The following ARL15 variants were observed in gnomAD, a reference collection of about 807,000 sequenced individuals.
ARL15 encodes the protein ADP-ribosylation factor-like protein 15.
Under a neutral mutation model 25.2 loss-of-function variants are expected in ARL15, and 19 were observed. That is an observed-to-expected ratio of 0.75 (90% confidence interval 0.53 to 1.10). The LOEUF is 1.10. ARL15 is among the 50% of genes least tolerant of loss of function. ARL15 has a pLI of 0.00. For missense variants in ARL15, 220 were observed against 246.0 expected, an observed-to-expected ratio of 0.89 and a Z score of 0.71; for synonymous variants, 94 against 86.8, an observed-to-expected ratio of 1.08 and a Z score of -0.46.
intron 4 of ARL15, among the ~76,000 whole-genome samples, chr5:53,908,253 A>C (rs534280492): frequency 6.6e-6 from 1 of 152,330 alleles, no homozygotes; most frequent in East Asian, 1.9e-4. Flanking sequence ...TAGGAAAAAA[A>C]TATAGTATCT....
chr5:53,928,117 T>A (rs1320480541), intron 4 of ARL15, among the ~76,000 whole-genome samples: 3 of 152,156 alleles, frequency 2.0e-5, no homozygotes, highest in African/African-American at 7.2e-5. Flanking sequence ...GTAACTAACG[T>A]TACTGGAGTC....
chr5:54,261,553 C>CAA (rs529725614), intron 1 of ARL15, among the ~76,000 whole-genome samples: 7,567 of 137,944 alleles, frequency 0.055, 266 homozygotes, highest in African/African-American at 0.11. Context: ...ACTAAATATG[C>CAA]AAAAAAAAAA....
At chr5:53,907,280 C>T (rs1290308713) in intron 4 of ARL15, among the ~76,000 whole-genome samples, 3 of 151,266 alleles carry the variant, frequency 2.0e-5, no homozygotes, top group African/African-American at 7.3e-5. Context: ...TTAGACATAC[C>T]TTGTGGTGAT....
intron 3 of ARL15, among the ~76,000 whole-genome samples, chr5:54,142,218 A>C (rs1265243368): frequency 6.6e-6 from 1 of 152,176 alleles, no homozygotes; most frequent in Non-Finnish European, 1.5e-5. Flanking sequence ...CTGATTCCAG[A>C]TCCTATCTTC....
At chr5:54,010,553 GAATA>G (rs1005880205) in intron 4 of ARL15, among the ~76,000 whole-genome samples, 1 of 152,064 alleles carries the variant, frequency 6.6e-6, no homozygotes, top group African/African-American at 2.4e-5. Context: ...ACTTGGCTCT[GAATA>G]ACCGCCAGCT....
rs887452605 is a variant in ARL15, at chr5:54,136,449, C to A, written c.253+18131G>T. Among the ~76,000 whole-genome samples the A allele has an allele frequency of 2.0e-5, 3 of 152,048 alleles. No homozygotes were observed. In the East Asian group the frequency reaches 5.8e-4, roughly 29 times the overall value. On this transcript the variant is annotated intron_variant, in intron 3 of 4. Transcript: ENST00000504924. ...TGTAAAATATCATCTGTTTTTGTGA[C>A]AAACAAGTCTGTATCATTAATCATA...
At chr5:54,258,789 A>G (rs1391052025) in intron 1 of ARL15, among the ~76,000 whole-genome samples, 1 of 152,212 alleles carries the variant, frequency 6.6e-6, no homozygotes, top group African/African-American at 2.4e-5. Context: ...GCCAAGAAAC[A>G]TGAAGATCAC....
At chr5:54,220,922 GTCTTTTTTTTTTCCCTTTAAT>G (rs1756355411) in intron 1 of ARL15, among the ~76,000 whole-genome samples, 1 of 151,858 alleles carries the variant, frequency 6.6e-6, no homozygotes, top group South Asian at 2.1e-4. Context: ...GTAGACATGT[GTCTTTTTTTTTTCCCTTTAAT>G]TCTGAATAAA....
At chr5:54,127,374 A>G (rs1391282160) in intron 3 of ARL15, among the ~76,000 whole-genome samples, 1 of 152,204 alleles carries the variant, frequency 6.6e-6, no homozygotes, top group Non-Finnish European at 1.5e-5. Context: ...TACACCAATA[A>G]CAGACAAACA....
intron 4 of ARL15, among the ~76,000 whole-genome samples, chr5:53,962,233 T>G (rs1747393994): frequency 6.6e-6 from 1 of 152,168 alleles, no homozygotes. Flanking sequence ...ATACTTTTAA[T>G]CAACAGGTAC....
intron 1 of ARL15, among the ~76,000 whole-genome samples, chr5:54,257,230 A>G (rs1218653668): frequency 6.6e-6 from 1 of 152,258 alleles, no homozygotes; most frequent in Non-Finnish European, 1.5e-5. Context: ...ACTGCTATAC[A>G]CAAAAAACGA....
At chr5:54,308,642 G>A (rs1164869620) in intron 1 of ARL15, among the ~76,000 whole-genome samples, 1 of 152,148 alleles carries the variant, frequency 6.6e-6, no homozygotes, top group Non-Finnish European at 1.5e-5. Context: ...TGCTTTTAAG[G>A]TAACCTTGGG....
intron 4 of ARL15, among the ~76,000 whole-genome samples, chr5:54,076,511 A>T (rs1751613504): frequency 6.6e-6 from 1 of 152,060 alleles, no homozygotes; most frequent in African/African-American, 2.4e-5. Context: ...ATCATAATAT[A>T]CGTCAATATT....
At chr5:54,110,568 T>A (rs538981894) in intron 4 of ARL15, among the ~76,000 whole-genome samples, 1 of 152,088 alleles carries the variant, frequency 6.6e-6, no homozygotes, top group Admixed American at 6.5e-5. Flanking sequence ...TCACAAGTAT[T>A]TTGCAGATTA....
chr5:53,965,396 T>C (rs1465296171), intron 4 of ARL15, among the ~76,000 whole-genome samples: 1 of 152,198 alleles, frequency 6.6e-6, no homozygotes, highest in East Asian at 1.9e-4. Flanking sequence ...AAGAATATTA[T>C]TTTAGCAATC....
In ARL15 at chr5:54,076,386, A is replaced by T. The variant is rs189944749; in HGVS notation, c.462+36816T>A. ...CAGTGAGCTGAGATCGCGCCACTGC[A>T]CTCCAGCCTGGGCGACAGAGCGAGA... On this transcript the variant is annotated intron_variant, in intron 4 of 4. Coordinates refer to ENST00000504924, the MANE Select transcript of ARL15 (RefSeq NM_019087.3). 4.2e-3 allele frequency among the ~76,000 whole-genome samples: 633 copies of T among 151,704 alleles called. 2 individuals carry two copies. The highest frequency in any genetic ancestry group is 0.015 in the African/African-American group (622 of 41,374).
At chr5:54,113,044 G>T in intron 4 of ARL15, 158 bp downstream of exon 4, 1 of 695,648 alleles carries the variant, frequency 1.4e-6, no homozygotes, top group Non-Finnish European at 2.4e-6. Flanking sequence ...AGTGCTAACA[G>T]ATTGATATAG....
At chr5:54,139,105 T>C (rs566249719) in intron 3 of ARL15, among the ~76,000 whole-genome samples, 1 of 152,254 alleles carries the variant, frequency 6.6e-6, no homozygotes, top group African/African-American at 2.4e-5. Flanking sequence ...AACAGTATGG[T>C]GATTTCTCAA....
intron 1 of ARL15, among the ~76,000 whole-genome samples, chr5:54,256,869 T>C (rs1004494117): frequency 6.6e-6 from 1 of 152,140 alleles, no homozygotes; most frequent in Non-Finnish European, 1.5e-5. Context: ...AGAAAAAGCA[T>C]TCACTAAAAT....
Sources: allele counts gnomAD v4.1 joint callset (sites outside exome capture counted in the v4.1 genomes callset), GRCh38; gene constraint gnomAD v4.1.1; transcripts MANE v1.5; gene names NCBI Gene and HGNC (gene_info 2026-07-23, HGNC 2026-07-21).